CTNND2: variants seen among roughly 807,000 people sequenced by gnomAD.
The protein encoded by CTNND2 is catenin delta-2.
Under a neutral mutation model 144.4 loss-of-function variants are expected in CTNND2, and 22 were observed. The ratio of observed to expected loss-of-function variants is 0.15; its 90% CI spans 0.11 to 0.22. The LOEUF is 0.22. Among genes scored for constraint, CTNND2 ranks in the 10% least tolerant of loss-of-function variants. The probability of loss-of-function intolerance (pLI) is 1.00; values close to 1 mark genes in which losing one functional copy is unlikely to be tolerated. For missense variants in CTNND2, 1,353 were observed against 1,618.8 expected (o/e 0.84, Z 2.82); for synonymous variants, 751 against 695.6 (o/e 1.08, Z -1.25).
chr5:11,693,200 C>T (rs539446889), intron 2 of CTNND2, among the ~76,000 whole-genome samples: 10 of 152,298 alleles, frequency 6.6e-5, no homozygotes, highest in African/African-American at 2.2e-4. Context: ...ACACCATCTA[C>T]GAATCAGAAA....
chr5:11,351,269 G>C (rs948692103), intron 8 of CTNND2, among the ~76,000 whole-genome samples: 3 of 152,152 alleles, frequency 2.0e-5, no homozygotes, highest in Non-Finnish European at 4.4e-5. Context: ...ACTGGAGAGG[G>C]AAGGTGCTTC....
intron 3 of CTNND2, among the ~76,000 whole-genome samples, chr5:11,562,453 T>C (rs1296795986): frequency 2.0e-5 from 3 of 152,250 alleles, no homozygotes; most frequent in Admixed American, 2.0e-4. Flanking sequence ...GAAGTGATGC[T>C]ATGCATCAAC....
chr5:11,296,286 C>G (rs1474103294), intron 9 of CTNND2, among the ~76,000 whole-genome samples: 1 of 151,940 alleles, frequency 6.6e-6, no homozygotes, highest in African/African-American at 2.4e-5. Context: ...CAATGAGATA[C>G]CATCTCACAC....
At chr5:11,382,560 TG>T (rs1315271042) in intron 7 of CTNND2, among the ~76,000 whole-genome samples, 1 of 150,966 alleles carries the variant, frequency 6.6e-6, no homozygotes, top group Non-Finnish European at 1.5e-5. Context: ...ATCGCACCAC[TG>T]CACTCCAGCC....
At chr5:11,751,029 G>A (rs1187687416) in intron 1 of CTNND2, among the ~76,000 whole-genome samples, 1 of 151,766 alleles carries the variant, frequency 6.6e-6, no homozygotes, top group East Asian at 1.9e-4. Context: ...GTAAAATTTA[G>A]TAGACTTTTT....
chr5:10,977,810 T>C (rs1393076276), intron 21 of CTNND2, among the ~76,000 whole-genome samples: 1 of 152,194 alleles, frequency 6.6e-6, no homozygotes, highest in Non-Finnish European at 1.5e-5. Flanking sequence ...AAACCAAAGA[T>C]CACGAACTGT....
At chr5:11,739,094 A>G (rs1325112634) in intron 1 of CTNND2, among the ~76,000 whole-genome samples, 1 of 152,210 alleles carries the variant, frequency 6.6e-6, no homozygotes, top group Non-Finnish European at 1.5e-5. Context: ...CAACTGCTCC[A>G]GAGCTAGAGA....
chr5:11,641,602 A>ATATACATATACGTGTGTG (rs1581652487), intron 2 of CTNND2, among the ~76,000 whole-genome samples: 9 of 140,404 alleles, frequency 6.4e-5, no homozygotes, highest in East Asian at 3.9e-4. Flanking sequence ...ACGTGTGTGT[A>ATATACATATACGTGTGTG]TATACATATA....
chr5:11,312,875 C>A (rs1751138408), intron 9 of CTNND2, among the ~76,000 whole-genome samples: 1 of 152,200 alleles, frequency 6.6e-6, no homozygotes, highest in African/African-American at 2.4e-5. Context: ...GCATTTTACC[C>A]TTCCAGAATA....
intron 1 of CTNND2, among the ~76,000 whole-genome samples, chr5:11,812,755 T>C (rs1475703450): frequency 6.6e-6 from 1 of 152,178 alleles, no homozygotes; most frequent in African/African-American, 2.4e-5. Context: ...TGTTTTCTGA[T>C]AAGGGAAGAC....
At chr5:11,530,065 T>C (rs1581421768) in intron 3 of CTNND2, among the ~76,000 whole-genome samples, 1 of 149,896 alleles carries the variant, frequency 6.7e-6, no homozygotes, top group Non-Finnish European at 1.5e-5. Context: ...TCCAATGGAA[T>C]TGGCATCCTA....
At chr5:11,142,841 T>A (rs1168608838) in intron 12 of CTNND2, among the ~76,000 whole-genome samples, 1 of 152,110 alleles carries the variant, frequency 6.6e-6, no homozygotes, top group African/African-American at 2.4e-5. Flanking sequence ...CTCGATCTCC[T>A]GACCTCGTGA....
At chr5:11,609,894 T>C (rs530294926) in intron 2 of CTNND2, among the ~76,000 whole-genome samples, 4 of 152,336 alleles carry the variant, frequency 2.6e-5, no homozygotes, top group African/African-American at 9.6e-5. Flanking sequence ...ACTAACCTTT[T>C]ACCATTATAG....
chr5:11,672,751 T>A (rs1481252610), intron 2 of CTNND2, among the ~76,000 whole-genome samples: 1 of 150,632 alleles, frequency 6.6e-6, no homozygotes, highest in South Asian at 2.1e-4. Context: ...CTGGAGGGAG[T>A]CTCCTGGTCT....
chr5:11,839,650 A>T (rs1470892598), intron 1 of CTNND2, among the ~76,000 whole-genome samples: 1 of 152,090 alleles, frequency 6.6e-6, no homozygotes, highest in East Asian at 1.9e-4. Context: ...CGCCTCTCCC[A>T]ATCTCCATGT....
chr5:11,760,022 C>A (rs959375131), intron 1 of CTNND2, among the ~76,000 whole-genome samples: 1 of 143,546 alleles, frequency 7.0e-6, no homozygotes, highest in Non-Finnish European at 1.5e-5. Flanking sequence ...TTTGCCAGGT[C>A]CAGTACTTGG....
intron 3 of CTNND2, among the ~76,000 whole-genome samples, chr5:11,502,255 G>A (rs979650012): frequency 3.9e-5 from 6 of 152,074 alleles, no homozygotes; most frequent in African/African-American, 9.7e-5. Flanking sequence ...GCTGACTAAC[G>A]CATTTATTAT....
At chr5:11,643,069 A>G (rs1220847399) in intron 2 of CTNND2, among the ~76,000 whole-genome samples, 1 of 152,154 alleles carries the variant, frequency 6.6e-6, no homozygotes, top group African/African-American at 2.4e-5. Context: ...AACAGCAAAG[A>G]AACAGATCTT....
At chr5:11,007,719 A>G (rs1027816031) in intron 18 of CTNND2, among the ~76,000 whole-genome samples, 1 of 152,240 alleles carries the variant, frequency 6.6e-6, no homozygotes, top group Non-Finnish European at 1.5e-5. Flanking sequence ...AGTATTTCCA[A>G]CGAAATGACA....
Sources: allele counts gnomAD v4.1 joint callset (sites outside exome capture counted in the v4.1 genomes callset), GRCh38; gene constraint gnomAD v4.1.1; transcripts MANE v1.5; gene names NCBI Gene and HGNC (gene_info 2026-07-23, HGNC 2026-07-21).